MRS2: variants seen among roughly 807,000 people sequenced by gnomAD.
MRS2 encodes magnesium transporter MRS2, also known as magnesium transporter MRS2 homolog, mitochondrial.
MRS2 carries 40 observed loss-of-function variants against 52.6 expected under a neutral mutation model. The observed-to-expected ratio is 0.76, with a 90% CI of 0.59 to 0.99. The LOEUF is 0.99. Ranked by LOEUF, MRS2 falls within the 50% of genes least tolerant of loss-of-function variation. MRS2 has a pLI of 0.00. For synonymous variants in MRS2, 193 were observed against 195.9 expected (o/e 0.98, Z 0.13); for missense variants, 472 against 532.7 (o/e 0.89, Z 1.12).
In MRS2 at chr6:24,423,712, C is replaced by T. The variant is rs1053174161; in HGVS notation, c.*18C>T. On this transcript the variant is annotated 3_prime_UTR_variant, in exon 11 of 11. Coordinates refer to ENST00000378386, the MANE Select transcript of MRS2 (RefSeq NM_020662.4). ...ACCGTTAGGAACAGCCCCGTGGATACTGAAGTTTTTTTTATGGTAGTTACA... is the reference window on the plus strand; with the variant it reads ...ACCGTTAGGAACAGCCCCGTGGATATTGAAGTTTTTTTTATGGTAGTTACA... The T allele has an allele frequency of 1.5e-6, 2 of 1,367,332 alleles. No homozygotes were observed. Among genetic ancestry groups the T allele is most frequent in the Admixed American group, 2.0e-5 (1 of 49,680 alleles). 84.7% of individuals were successfully genotyped at this position (1,367,332 alleles called of 1,614,324 possible). A position where few individuals can be genotyped will look rare whatever the true frequency, so the allele number is the denominator to read the frequency against.
Position 24,412,232 on chromosome 6 carries a change from C to T in MRS2, c.425C>T (p.Ala142Val). The change falls in exon 5 of 11, where the codon GCT becomes GTT. Residue 142 changes from alanine to valine, a missense_variant. Ala to Val is a moderately conservative substitution (Grantham distance 64, BLOSUM62 0). Coordinates refer to ENST00000378386, the MANE Select transcript of MRS2 (RefSeq NM_020662.4). ...RIIMRMEYLK[A>V]VITPECLLIL... ...TTTTTTTTTTAACAGTATTTGAAAGCTGTGATAACTCCAGAGTGTCTTCTG... is the reference window on the plus strand; with the variant it reads ...TTTTTTTTTTAACAGTATTTGAAAGTTGTGATAACTCCAGAGTGTCTTCTG... The T allele has an allele frequency of 6.5e-7, 1 of 1,535,758 alleles. No individual in the cohort carries two copies. Among genetic ancestry groups the T allele is most frequent in the Non-Finnish European group, 8.7e-7 (1 of 1,145,702 alleles).
rs1761342711 is a variant in MRS2 at position 24,403,185 on chromosome 6, G to T, written c.139G>T (p.Gly47Ter). ...CTGCGGCCGCCGAGCCAACCTGATT[G>T]GAAGGAGCCGAGCGGCGCAGCTTTG... The part of the protein sequence containing the change: ...AACGRRANLI[G>*]RSRAAQLCGP... The change falls in exon 1 of 11, where the codon GGA becomes TGA. Residue 47 changes from glycine (G) to a stop codon, truncating the protein, a stop_gained. Coordinates refer to ENST00000378386, the MANE Select transcript of MRS2 (RefSeq NM_020662.4). LOFTEE classifies it high-confidence loss of function. 2.5e-6 allele frequency: 4 copies of T among 1,606,064 alleles called. No individual in the cohort carries two copies. Among genetic ancestry groups the T allele is most frequent in the Non-Finnish European group, 2.5e-6 (3 of 1,179,760 alleles).
intron 4 of MRS2, among the ~76,000 whole-genome samples, chr6:24,409,996 AT>A (rs200581439): frequency 0.03 from 4,552 of 150,626 alleles, 172 homozygotes; most frequent in East Asian, 0.14. Flanking sequence ...TATAGCCTTA[AT>A]TTTTTTTTTG....
chr6:24,410,683 T>A (rs942716189), intron 4 of MRS2: 1 of 1,401,326 alleles, frequency 7.1e-7, no homozygotes, highest in Non-Finnish European at 9.6e-7. Flanking sequence ...TAAAAAATAC[T>A]TTATCAAAAA....
chr6:24,420,789 A>G (rs1581710933), intron 9 of MRS2, among the ~76,000 whole-genome samples: 1 of 152,360 alleles, frequency 6.6e-6, no homozygotes, highest in East Asian at 1.9e-4. Context: ...AGATTGAGGC[A>G]GGAACGATCT....
At chr6:24,413,117 C>T (rs1415606105) in intron 5 of MRS2, among the ~76,000 whole-genome samples, 3 of 151,920 alleles carry the variant, frequency 2.0e-5, no homozygotes, top group East Asian at 3.9e-4. Context: ...TAGTGGGAGC[C>T]CAGTTACCAA....
At chr6:24,420,688 GT>G (rs1762015756) in intron 9 of MRS2, among the ~76,000 whole-genome samples, 2 of 152,186 alleles carry the variant, frequency 1.3e-5, no homozygotes, top group African/African-American at 4.8e-5. Flanking sequence ...TAGAGATAGG[GT>G]GGTCAAGGAA....
rs1761328138 is a variant in MRS2 at position 24,402,997 on chromosome 6, CG to C, written c.-48del. ...AGCTGCGGCCTGAGCAGCCAGCGTC[CG>C]GCATGAAGGTCTGGGGTCTGGCTGC... On this transcript the variant is annotated 5_prime_UTR_variant, in exon 1 of 11. Coordinates refer to ENST00000378386, the MANE Select transcript of MRS2 (RefSeq NM_020662.4). 6.7e-7 allele frequency: 1 copy of C among 1,489,930 alleles called. No individual in the cohort carries two copies. 92.3% of individuals were successfully genotyped at this position (1,489,930 alleles called of 1,614,324 possible). A position where few individuals can be genotyped will look rare whatever the true frequency, so the allele number is the denominator to read the frequency against.
In MRS2 at chr6:24,425,728, C is replaced by T. The variant is rs1227512539; in HGVS notation, c.*2034C>T. ...TGTCAAACACATCAAGTGTCGAACA[C>T]GTCAAGGTGTGATACTGTCTTTGGA... On this transcript the variant is annotated 3_prime_UTR_variant, in exon 11 of 11. Transcript: ENST00000378386. 4 of 152,152 alleles carry T rather than the reference C, an allele frequency of 2.6e-5. No homozygotes were observed. The highest frequency in any genetic ancestry group is 4.1e-4 in the South Asian group (2 of 4,820). 9.4% of individuals were successfully genotyped at this position (152,152 alleles called of 1,614,324 possible).
intron 8 of MRS2, 82 bp from the exon 9 acceptor site, chr6:24,418,379 C>T (rs1761927577): frequency 1.3e-5 from 21 of 1,562,336 alleles, no homozygotes; most frequent in Non-Finnish European, 1.6e-5. Context: ...AGGTTTCATC[C>T]ATGTGGTCTG....
At position 24,418,585 on chromosome 6, in the gene MRS2, A is replaced by T. The variant is rs765634650; in HGVS notation, c.1107+7A>T. On this transcript the variant is annotated splice_region_variant and intron_variant, in intron 9 of 10. Transcript: ENST00000378386. ...GGAATCTTCCCTTGAAGAGGTGAGA[A>T]TGTATTATTATTTCTAAAACTTGGG... 6.3e-7 allele frequency: 1 copy of T among 1,595,840 alleles called. No individual in the cohort carries two copies. The highest frequency in any genetic ancestry group is 8.6e-7 in the Non-Finnish European group (1 of 1,163,938).
intron 8 of MRS2, 97 bp from the exon 9 acceptor site, chr6:24,418,364 T>C: frequency 1.9e-6 from 3 of 1,538,462 alleles, no homozygotes; most frequent in South Asian, 1.3e-5. Context: ...TTTTTTTTGT[T>C]GTGTAGGTTT....
Position 24,412,207 on chromosome 6 carries a change from T to C in MRS2, c.415-15T>C. The C allele has an allele frequency of 6.5e-7, 1 of 1,529,854 alleles. No individual in the cohort carries two copies. The highest frequency in any genetic ancestry group is 1.4e-5 in the African/African-American group (1 of 71,388). The allele number at this position is 1,529,854 out of a possible 1,614,324, so 94.8% of individuals were successfully genotyped here. Reference sequence around the variant, plus strand: ...CTCACATATTTATATGTTTTGGTTTTTTTTTTTTTAACAGTATTTGAAAGC... The same window carrying C: ...CTCACATATTTATATGTTTTGGTTTCTTTTTTTTTAACAGTATTTGAAAGC... On this transcript the variant is annotated splice_polypyrimidine_tract_variant and intron_variant, in intron 4 of 10. Transcript: ENST00000378386.
intron 3 of MRS2, 132 bp downstream of exon 3, chr6:24,408,576 C>A: frequency 1.5e-6 from 1 of 664,960 alleles, no homozygotes. Flanking sequence ...CTTTCTTCAG[C>A]ATTTGTCCAT....
At chr6:24,412,452 G>A (rs933146614) in intron 5 of MRS2, 57 bp downstream of exon 5, 66 of 1,365,672 alleles carry the variant, frequency 4.8e-5, no homozygotes, top group Non-Finnish European at 5.9e-5. Context: ...ATGTCATTGA[G>A]TGGGAAGACA....
chr6:24,420,884 G>C (rs976188301), intron 9 of MRS2, among the ~76,000 whole-genome samples: 2 of 152,176 alleles, frequency 1.3e-5, no homozygotes, highest in Non-Finnish European at 2.9e-5. Context: ...ATGCAGATAA[G>C]TATGATCATG....
Position 24,416,532 on chromosome 6 carries a change from TTTG to T in MRS2, c.836+22_836+24del, listed in dbSNP as rs1468468927. On this transcript the variant is annotated intron_variant, in intron 7 of 10. Coordinates refer to ENST00000378386, the MANE Select transcript of MRS2 (RefSeq NM_020662.4). ...AAGTCTTGTAAGTATATAATTATAC[TTTG>T]TTATTTATTTCCTTAGAGTAAATCT... is the stretch of plus-strand genomic sequence containing the variant. 2.5e-6 allele frequency: 3 copies of T among 1,204,744 alleles called. No individual in the cohort carries two copies. The highest frequency in any genetic ancestry group is 4.7e-5 in the East Asian group (2 of 42,816). 74.6% of individuals were successfully genotyped at this position (1,204,744 alleles called of 1,614,324 possible).
chr6:24,410,896 A>G, intron 4 of MRS2: 1 of 666,178 alleles, frequency 1.5e-6, no homozygotes, highest in Non-Finnish European at 2.5e-6. Context: ...CTGTATAAAA[A>G]TTTTCATGAG....
rs1444710552 is a variant in MRS2 at position 24,423,123 on chromosome 6, G to A, written c.1221+73G>A. 3.2e-6 allele frequency: 4 copies of A among 1,238,844 alleles called. 1 individual carries two copies. The highest frequency in any genetic ancestry group is 2.6e-5 in the South Asian group (2 of 75,986). 76.7% of individuals were successfully genotyped at this position (1,238,844 alleles called of 1,614,324 possible). ...TGGGCCCTAAAGTCAGAGCGCCTGG[G>A]ATTAAGTTGTCACAGGCACTATGGC... is the stretch of plus-strand genomic sequence containing the variant. On this transcript the variant is annotated intron_variant, in intron 10 of 10. Coordinates refer to ENST00000378386, the MANE Select transcript of MRS2 (RefSeq NM_020662.4).
Sources: allele counts gnomAD v4.1 joint callset (sites outside exome capture counted in the v4.1 genomes callset), GRCh38; gene constraint gnomAD v4.1.1; transcripts MANE v1.5; gene names NCBI Gene and HGNC (gene_info 2026-07-23, HGNC 2026-07-21).